The following STX6 variants were observed in gnomAD, a reference collection of about 807,000 sequenced individuals.
STX6 encodes syntaxin 6.
STX6 carries 23 observed loss-of-function variants against 38.0 expected under a neutral mutation model. The observed-to-expected ratio is 0.60, with a 90% confidence interval of 0.43 to 0.86. The LOEUF (loss-of-function observed/expected upper bound fraction) is 0.86, where lower values mean the gene tolerates loss of function less well. Among genes scored for constraint, STX6 ranks in the 40% least tolerant of loss-of-function variants. The probability of loss-of-function intolerance (pLI) is 0.00; values close to 1 mark genes in which losing one functional copy is unlikely to be tolerated. For synonymous variants in STX6, 123 were observed against 107.5 expected (o/e 1.14, Z -0.89); for missense variants, 274 against 312.9 (o/e 0.88, Z 0.94).
At chr1:180,984,088 A>AAACC (rs1655497971) in intron 7 of STX6, among the ~76,000 whole-genome samples, 2 of 101,374 alleles carry the variant, frequency 2.0e-5, no homozygotes, top group African/African-American at 2.8e-5. Flanking sequence ...AAAAAAAAAA[A>AAACC]AACACAACGA....
chr1:181,019,072 CAG>C (rs947712736), intron 1 of STX6, among the ~76,000 whole-genome samples: 110 of 152,254 alleles, frequency 7.2e-4, no homozygotes, highest in South Asian at 5.2e-3. Context: ...GGTGTTTTTA[CAG>C]AGTGAAAATT....
chr1:181,006,591 C>T (rs1656229829), intron 1 of STX6, among the ~76,000 whole-genome samples: 1 of 151,936 alleles, frequency 6.6e-6, no homozygotes, highest in African/African-American at 2.4e-5. Context: ...AATCCCACTG[C>T]TCCTGAACTA....
intron 5 of STX6, 67 bp from the exon 6 acceptor site, chr1:180,988,412 T>A: frequency 1.6e-6 from 2 of 1,221,400 alleles, no homozygotes; most frequent in Non-Finnish European, 2.4e-6. Flanking sequence ...CCCAGCACTC[T>A]AGCAGCTGCT....
At chr1:181,017,230 C>CA (rs544259317) in intron 1 of STX6, among the ~76,000 whole-genome samples, 1,841 of 137,830 alleles carry the variant, frequency 0.013, 27 homozygotes, top group African/African-American at 0.036. Flanking sequence ...ACTGAAAATA[C>CA]AAAAAAAAAA....
At chr1:180,986,142 A>C (rs558808857) in intron 6 of STX6, among the ~76,000 whole-genome samples, 98 of 152,354 alleles carry the variant, frequency 6.4e-4, no homozygotes, top group African/African-American at 2.3e-3. Context: ...ATCATCAGGC[A>C]CATCATCCGA....
chr1:180,997,394 T>G (rs762218711), intron 3 of STX6, among the ~76,000 whole-genome samples: 40 of 152,210 alleles, frequency 2.6e-4, no homozygotes, highest in Non-Finnish European at 5.6e-4. Flanking sequence ...ATTAGAAAAC[T>G]TTGAAGTATG....
At chr1:181,017,749 A>AT (rs1449112750) in intron 1 of STX6, among the ~76,000 whole-genome samples, 1 of 152,156 alleles carries the variant, frequency 6.6e-6, no homozygotes, top group Non-Finnish European at 1.5e-5. Flanking sequence ...ATTAGTAAAG[A>AT]TTTTTTTAAT....
At chr1:181,013,097 T>C (rs1656455108) in intron 1 of STX6, among the ~76,000 whole-genome samples, 1 of 151,146 alleles carries the variant, frequency 6.6e-6, no homozygotes, top group Non-Finnish European at 1.5e-5. Flanking sequence ...CCTCCCAATA[T>C]GGTACATCAC....
rs1655195262 is a variant in STX6 at position 180,974,386 on chromosome 1, G to A, written c.*2184C>T. The A allele has an allele frequency of 6.6e-6, 1 of 152,556 alleles. No individual in the cohort carries two copies. The highest frequency in any genetic ancestry group is 2.4e-5 in the African/African-American group (1 of 41,464). 9.5% of individuals were successfully genotyped at this position (152,556 alleles called of 1,614,324 possible). Reference sequence around the variant, plus strand: ...TTAGAAAATAATTTAAATCAGTGAGGTAAGCACGCCGATTTGAAATATATC... The same window carrying A: ...TTAGAAAATAATTTAAATCAGTGAGATAAGCACGCCGATTTGAAATATATC... On this transcript the variant is annotated 3_prime_UTR_variant, in exon 8 of 8. Transcript: ENST00000258301.
At chr1:180,983,776 T>C (rs773579685) in intron 7 of STX6, among the ~76,000 whole-genome samples, 13 of 152,136 alleles carry the variant, frequency 8.5e-5, no homozygotes, top group Admixed American at 1.3e-4. Flanking sequence ...AGAAAGTTAT[T>C]CTACTGGGCT....
At chr1:180,983,062 T>A (rs74384352) in intron 7 of STX6, among the ~76,000 whole-genome samples, 36 of 152,358 alleles carry the variant, frequency 2.4e-4, no homozygotes, top group African/African-American at 8.4e-4. Flanking sequence ...TAAGTACCAA[T>A]AAATAAATGG....
intron 4 of STX6, among the ~76,000 whole-genome samples, chr1:180,992,496 G>A (rs1655782286): frequency 6.6e-6 from 1 of 152,160 alleles, no homozygotes; most frequent in Admixed American, 6.5e-5. Flanking sequence ...TTAATAAAAT[G>A]AGACTAAGGT....
intron 4 of STX6, 54 bp downstream of exon 4, chr1:180,993,309 A>G (rs1655805397): frequency 9.5e-7 from 1 of 1,053,418 alleles, no homozygotes; most frequent in Non-Finnish European, 1.5e-6. Flanking sequence ...TAAATTCCAA[A>G]TATCTAACTG....
chr1:180,992,335 C>G (rs936806283), intron 4 of STX6, among the ~76,000 whole-genome samples: 19 of 152,176 alleles, frequency 1.2e-4, no homozygotes, highest in African/African-American at 4.6e-4. Context: ...TTATAGAACC[C>G]TGCCCCTTCT....
chr1:181,004,450 GCT>G (rs1656168517), intron 2 of STX6, among the ~76,000 whole-genome samples: 1 of 152,228 alleles, frequency 6.6e-6, no homozygotes, highest in South Asian at 2.1e-4. Context: ...GGGGCTGAAG[GCT>G]GAGCTGATCA....
chr1:181,017,105 G>C (rs551874847), intron 1 of STX6, among the ~76,000 whole-genome samples: 1 of 130,982 alleles, frequency 7.6e-6, no homozygotes. Flanking sequence ...AACCATCCTC[G>C]GCTGGGCGCA....
chr1:181,017,515 T>C (rs1209822032), intron 1 of STX6, among the ~76,000 whole-genome samples: 1 of 152,262 alleles, frequency 6.6e-6, no homozygotes, highest in Non-Finnish European at 1.5e-5. Context: ...GGCTCACTTA[T>C]ACTCTGTCTC....
chr1:180,976,552 C>T lies in STX6; in HGVS notation c.*18G>A. ...TCGGTTCATATGCAGGAGGAACTCG[C>T]ACCCAGAGGCCCCGCCGTCACAGCA... On this transcript the variant is annotated 3_prime_UTR_variant, in exon 8 of 8. Transcript: ENST00000258301. 2.5e-6 allele frequency: 4 copies of T among 1,612,580 alleles called. No homozygotes were observed. Among genetic ancestry groups the T allele is most frequent in the Non-Finnish European group, 3.4e-6 (4 of 1,179,182 alleles).
chr1:181,022,620 G>A lies in STX6; in HGVS notation c.35+19C>T, dbSNP rs374678975. ...CACCGCCACCTCTTCCTCCGGTGGA[G>A]CGCTCGGCCGACACTCACCCTTTCA... On this transcript the variant is annotated intron_variant, in intron 1 of 7. Transcript: ENST00000258301. 3.1e-5 allele frequency: 49 copies of A among 1,606,366 alleles called. No individual in the cohort carries two copies. In the South Asian group the frequency reaches 4.5e-4, roughly 15 times the overall value.
Sources: gnomAD v4.1 joint callset for allele counts (sites outside exome capture counted in the v4.1 genomes callset) on GRCh38, gnomAD v4.1.1 for gene constraint, MANE v1.5 for transcripts, NCBI Gene and HGNC (gene_info 2026-07-23, HGNC 2026-07-21) for gene names.